EPC2: variants seen among roughly 807,000 people sequenced by gnomAD.
EPC2 encodes the protein enhancer of polycomb 2.
EPC2 carries 14 observed loss-of-function variants against 92.1 expected under a neutral mutation model. That is an observed-to-expected ratio of 0.15 (90% CI 0.10 to 0.24). The LOEUF is 0.24. Among genes scored for constraint, EPC2 ranks in the 10% least tolerant of loss-of-function variants. The pLI is 1.00. For missense variants in EPC2, 755 were observed against 971.5 expected (o/e 0.78, Z 2.96); for synonymous variants, 340 against 334.7 (o/e 1.02, Z -0.17).
chr2:148,676,800 C>G (rs62184087), intron 1 of EPC2, among the ~76,000 whole-genome samples: 2 of 135,966 alleles, frequency 1.5e-5, no homozygotes, highest in South Asian at 2.3e-4. Context: ...CTCTCTCTCT[C>G]TGTCTCTCTT....
At chr2:148,715,484 C>T (rs1682239397) in intron 2 of EPC2, among the ~76,000 whole-genome samples, 1 of 152,148 alleles carries the variant, frequency 6.6e-6, no homozygotes, top group Non-Finnish European at 1.5e-5. Context: ...ATAGGGAATT[C>T]TTTCCCCATT....
intron 2 of EPC2, among the ~76,000 whole-genome samples, chr2:148,741,186 C>T (rs1682874317): frequency 6.6e-6 from 1 of 152,108 alleles, no homozygotes; most frequent in African/African-American, 2.4e-5. Flanking sequence ...GATTATATCG[C>T]ATACTTAAAT....
Position 148,762,094 on chromosome 2 carries a change from G to C in EPC2, c.815+164G>C, listed in dbSNP as rs941040231. On this transcript the variant is annotated intron_variant, in intron 5 of 13. Coordinates refer to ENST00000258484, the MANE Select transcript of EPC2 (RefSeq NM_015630.4). ...AGATTTGTGGTTACTAGTTTTTATAGATTAAGTTATCAATTTGGATTGCAG... is the reference window on the plus strand; with the variant it reads ...AGATTTGTGGTTACTAGTTTTTATACATTAAGTTATCAATTTGGATTGCAG... 5.6e-6 allele frequency: 3 copies of C among 538,094 alleles called. No homozygotes were observed. In the African/African-American group the frequency reaches 6.1e-5, roughly 11 times the overall value. The allele number at this position is 538,094 out of a possible 1,614,324, so 33.3% of individuals were successfully genotyped here.
intron 4 of EPC2, among the ~76,000 whole-genome samples, chr2:148,756,333 G>T (rs2105418509): frequency 6.6e-6 from 1 of 152,278 alleles, no homozygotes; most frequent in East Asian, 1.9e-4. Flanking sequence ...ACCATTGCTA[G>T]TTAGAAATGT....
chr2:148,654,405 A>G (rs1207306085), intron 1 of EPC2, among the ~76,000 whole-genome samples: 1 of 152,108 alleles, frequency 6.6e-6, no homozygotes, highest in Non-Finnish European at 1.5e-5. Context: ...AGAGTTTCAC[A>G]TTTTTTCTCA....
intron 10 of EPC2, among the ~76,000 whole-genome samples, chr2:148,773,861 A>G (rs1656324178): frequency 6.6e-6 from 1 of 152,124 alleles, no homozygotes; most frequent in Admixed American, 6.5e-5. Context: ...AGGATGAGGG[A>G]GTTTTAGAAA....
At chr2:148,764,550 C>A (rs1207701124) in intron 6 of EPC2, among the ~76,000 whole-genome samples, 1 of 151,982 alleles carries the variant, frequency 6.6e-6, no homozygotes, top group Non-Finnish European at 1.5e-5. Flanking sequence ...AAAATTAGAT[C>A]TAAGTGTAGA....
chr2:148,769,416 G>A (rs917723815), intron 8 of EPC2, among the ~76,000 whole-genome samples, 176 bp downstream of exon 8: 37 of 152,276 alleles, frequency 2.4e-4, no homozygotes, highest in Middle Eastern at 3.4e-3. Context: ...TTCAAAGGGC[G>A]TCGGAATCCT....
chr2:148,668,705 A>C (rs1206849184), intron 1 of EPC2, among the ~76,000 whole-genome samples: 2 of 152,150 alleles, frequency 1.3e-5, no homozygotes, highest in African/African-American at 4.8e-5. Flanking sequence ...ATTTATTGTC[A>C]TGAAGTTCAG....
intron 3 of EPC2, 33 bp from the exon 4 acceptor site, chr2:148,753,894 T>C: frequency 1.3e-6 from 2 of 1,569,546 alleles, no homozygotes; most frequent in African/African-American, 1.4e-5. Flanking sequence ...TTGCAAACAT[T>C]GTAGCCAATG....
chr2:148,775,006 G>A lies in EPC2; in HGVS notation c.1720+3619G>A, dbSNP rs189755803. Reference sequence around the variant, plus strand: ...GGGGAGGTTGAGGCAGGAGAATGGCGTGAACCCGGGAGGCGGAGCTTGCAG... The same window carrying A: ...GGGGAGGTTGAGGCAGGAGAATGGCATGAACCCGGGAGGCGGAGCTTGCAG... On this transcript the variant is annotated intron_variant, in intron 10 of 13. Transcript: ENST00000258484. Among the ~76,000 whole-genome samples the A allele has an allele frequency of 1.2e-4, 18 of 151,162 alleles. 1 individual carries two copies. Among genetic ancestry groups the A allele is most frequent in the South Asian group, 4.2e-4 (2 of 4,768 alleles).
intron 2 of EPC2, among the ~76,000 whole-genome samples, chr2:148,721,712 C>CTTTTTTTTTTTTTTTTTTTTT (rs34017461): frequency 9.0e-6 from 1 of 111,534 alleles, no homozygotes; most frequent in South Asian, 2.7e-4. Flanking sequence ...CTGTTTTATT[C>CTTTTTTTTTTTTTTTTTTTTT]TTTTTTTTTT....
At chr2:148,776,400 C>G (rs1003932245) in intron 10 of EPC2, among the ~76,000 whole-genome samples, 1 of 152,148 alleles carries the variant, frequency 6.6e-6, no homozygotes, top group African/African-American at 2.4e-5. Flanking sequence ...TCATTATCCT[C>G]ACATCTGTTT....
intron 2 of EPC2, among the ~76,000 whole-genome samples, chr2:148,724,096 A>G (rs774176019): frequency 5.3e-5 from 8 of 152,126 alleles, no homozygotes; most frequent in Non-Finnish European, 1.2e-4. Context: ...ACTCTTTTAT[A>G]CAATTTATAA....
At chr2:148,782,270 C>T (rs1198769589) in intron 11 of EPC2, among the ~76,000 whole-genome samples, 1 of 152,112 alleles carries the variant, frequency 6.6e-6, no homozygotes, top group Non-Finnish European at 1.5e-5. Flanking sequence ...GGCACGGTGG[C>T]TCATGCCTGT....
At chr2:148,697,427 T>G (rs1192720146) in intron 2 of EPC2, among the ~76,000 whole-genome samples, 1 of 152,052 alleles carries the variant, frequency 6.6e-6, no homozygotes, top group African/African-American at 2.4e-5. Context: ...GGCAGAAGAT[T>G]AATGAATGGA....
At chr2:148,649,348 C>A (rs1469864661) in intron 1 of EPC2, among the ~76,000 whole-genome samples, 1 of 152,216 alleles carries the variant, frequency 6.6e-6, no homozygotes, top group African/African-American at 2.4e-5. Flanking sequence ...CAACCAGTCC[C>A]TTTCCACTCC....
intron 2 of EPC2, among the ~76,000 whole-genome samples, chr2:148,741,870 A>G (rs1682885538): frequency 6.6e-6 from 1 of 152,208 alleles, no homozygotes; most frequent in African/African-American, 2.4e-5. Flanking sequence ...CCCCTTAACC[A>G]GAAATAGAGA....
At chr2:148,778,487 T>A (rs1348988730) in intron 10 of EPC2, among the ~76,000 whole-genome samples, 4 of 151,934 alleles carry the variant, frequency 2.6e-5, no homozygotes, top group Non-Finnish European at 5.9e-5. Flanking sequence ...AAAGAAAAAA[T>A]AACTAGTAGA....
Sources: gnomAD v4.1 joint callset for allele counts (sites outside exome capture counted in the v4.1 genomes callset) on GRCh38, gnomAD v4.1.1 for gene constraint, MANE v1.5 for transcripts, NCBI Gene and HGNC (gene_info 2026-07-23, HGNC 2026-07-21) for gene names.